HDAC4: variants seen among roughly 807,000 people sequenced by gnomAD.
HDAC4 encodes the protein histone deacetylase 4.
In HDAC4, 16 loss-of-function variants were observed where a neutral mutation model predicts 135.1. That is an observed-to-expected ratio of 0.12 (90% CI 0.08 to 0.18). The LOEUF is 0.18. HDAC4 is among the 10% of genes least tolerant of loss of function. The pLI is 1.00. For synonymous variants in HDAC4, 685 were observed against 653.4 expected, an observed-to-expected ratio of 1.05 and a Z score of -0.74; for missense variants, 1,143 against 1,511.8, an observed-to-expected ratio of 0.76 and a Z score of 4.05.
chr2:239,113,442 C>T (rs138498494), intron 13 of HDAC4, among the ~76,000 whole-genome samples: 156 of 152,280 alleles, frequency 1.0e-3, no homozygotes, highest in African/African-American at 3.5e-3. Flanking sequence ...CAATCCTCCC[C>T]GACGCGGGCT....
intron 16 of HDAC4, 162 bp downstream of exon 16, chr2:239,102,614 T>C (rs2037766022): frequency 2.7e-6 from 2 of 733,662 alleles, no homozygotes; most frequent in South Asian, 1.8e-5. Context: ...CAACAACCAG[T>C]GGCTTGTGAA....
intron 2 of HDAC4, among the ~76,000 whole-genome samples, chr2:239,244,217 C>T (rs2048346693): frequency 6.6e-6 from 1 of 152,220 alleles, no homozygotes; most frequent in African/African-American, 2.4e-5. Context: ...ACAAAAGAAA[C>T]CACTTGGTTC....
At chr2:239,318,146 T>C (rs1021205142) in intron 2 of HDAC4, among the ~76,000 whole-genome samples, 1 of 152,062 alleles carries the variant, frequency 6.6e-6, no homozygotes, top group Non-Finnish European at 1.5e-5. Context: ...GTCTGCACAG[T>C]CCCAGATTAT....
Position 239,163,908 on chromosome 2 carries a change from G to T in HDAC4, c.506C>A (p.Thr169Lys). The change falls in exon 6 of 27, where the codon ACA (threonine) becomes AAA (lysine). Residue 169 changes from threonine (T) to lysine (K), a missense_variant. By Grantham distance (78) the Thr-to-Lys change is moderately conservative. Transcript: ENST00000543185. ...TTCTTGTAACTTCATCTTCACTTCT[G>T]TGCTGGCCACGGCACCTGGCGTGGG... ...EKGKESAVASTEVKMKLQEFV... is the reference protein window; with the variant it reads ...EKGKESAVASKEVKMKLQEFV... 1 of 1,614,104 alleles carries T rather than the reference G, an allele frequency of 6.2e-7. No individual in the cohort carries two copies. The highest frequency in any genetic ancestry group is 8.5e-7 in the Non-Finnish European group (1 of 1,180,024).
At chr2:239,083,944 C>T (rs1228700186) in intron 20 of HDAC4, among the ~76,000 whole-genome samples, 6 of 152,248 alleles carry the variant, frequency 3.9e-5, no homozygotes, top group Non-Finnish European at 8.8e-5. Context: ...TTTAGACACG[C>T]CAGGACCCCA....
At chr2:239,067,958 C>T (rs1212408993) in intron 23 of HDAC4, among the ~76,000 whole-genome samples, 4 of 152,202 alleles carry the variant, frequency 2.6e-5, no homozygotes, top group Admixed American at 1.3e-4. Flanking sequence ...AGGTTTTCAT[C>T]TCCTTGTGAG....
At chr2:239,113,929 C>T (rs543615353) in intron 13 of HDAC4, among the ~76,000 whole-genome samples, 4 of 152,238 alleles carry the variant, frequency 2.6e-5, no homozygotes, top group South Asian at 2.1e-4. Flanking sequence ...GACAGGCCCC[C>T]CTCTGAACAA....
At chr2:239,164,394 C>A (rs973003833) in intron 5 of HDAC4, among the ~76,000 whole-genome samples, 1 of 152,240 alleles carries the variant, frequency 6.6e-6, no homozygotes, top group African/African-American at 2.4e-5. Context: ...TGACGGCCGG[C>A]TCTGCTTCCA....
intron 3 of HDAC4, among the ~76,000 whole-genome samples, chr2:239,218,365 G>A (rs964966275): frequency 6.6e-6 from 1 of 151,292 alleles, no homozygotes; most frequent in African/African-American, 2.4e-5. Context: ...CAAGCAATGG[G>A]GAAAGGATTC....
At chr2:239,366,687 T>C (rs1042947603) in intron 1 of HDAC4, among the ~76,000 whole-genome samples, 1 of 152,166 alleles carries the variant, frequency 6.6e-6, no homozygotes, top group African/African-American at 2.4e-5. Context: ...GGATTTGACT[T>C]ACGGTGTGAA....
Position 239,050,747 on chromosome 2 carries a change from A to G in HDAC4, c.*2350T>C, listed in dbSNP as rs917717819. 7 of 152,628 alleles carry G rather than the reference A, an allele frequency of 4.6e-5. No individual in the cohort carries two copies. Among genetic ancestry groups the G allele is most frequent in the African/African-American group, 7.2e-5 (3 of 41,456 alleles). The allele number at this position is 152,628 out of a possible 1,614,324, so 9.5% of individuals were successfully genotyped here. A position where few individuals can be genotyped will look rare whatever the true frequency, so the allele number is the denominator to read the frequency against. ...ACTTCTGCCCCCAAGTCTGAACCCAATATACACTTTGGAATGAAACTGGTG... is the reference window on the plus strand; with the variant it reads ...ACTTCTGCCCCCAAGTCTGAACCCAGTATACACTTTGGAATGAAACTGGTG... On this transcript the variant is annotated 3_prime_UTR_variant, in exon 27 of 27. Transcript: ENST00000543185.
At chr2:239,326,761 T>C (rs2053480514) in intron 2 of HDAC4, among the ~76,000 whole-genome samples, 1 of 152,240 alleles carries the variant, frequency 6.6e-6, no homozygotes, top group South Asian at 2.1e-4. Flanking sequence ...TATGATTTGC[T>C]AGATACTTCT....
intron 4 of HDAC4, among the ~76,000 whole-genome samples, chr2:239,179,655 G>C (rs2044012313): frequency 1.3e-5 from 2 of 152,230 alleles, no homozygotes; most frequent in Non-Finnish European, 2.9e-5. Context: ...TCACTTCAGA[G>C]CAAGAGGTGA....
At chr2:239,322,024 A>C (rs1268498799) in intron 2 of HDAC4, among the ~76,000 whole-genome samples, 2 of 152,274 alleles carry the variant, frequency 1.3e-5, no homozygotes, top group African/African-American at 4.8e-5. Flanking sequence ...GCTCCAGAGC[A>C]AGCTGCTCAA....
intron 2 of HDAC4, chr2:239,298,052 A>C: frequency 2.0e-6 from 1 of 493,886 alleles, no homozygotes; most frequent in Non-Finnish European, 3.7e-6. Context: ...CACAATATTG[A>C]AGAGATACCT....
At chr2:239,177,477 G>A (rs567353952) in intron 4 of HDAC4, among the ~76,000 whole-genome samples, 3 of 152,348 alleles carry the variant, frequency 2.0e-5, no homozygotes, top group Non-Finnish European at 2.9e-5. Flanking sequence ...CTGCCTCTGC[G>A]GGGGTGAGGT....
chr2:239,318,264 C>A (rs188056441), intron 2 of HDAC4, among the ~76,000 whole-genome samples: 1 of 152,224 alleles, frequency 6.6e-6, no homozygotes, highest in Non-Finnish European at 1.5e-5. Flanking sequence ...TCAGCAGCAA[C>A]GAAATACTGC....
chr2:239,209,174 T>C (rs1332161754), intron 3 of HDAC4, among the ~76,000 whole-genome samples: 1 of 152,236 alleles, frequency 6.6e-6, no homozygotes, highest in Non-Finnish European at 1.5e-5. Context: ...ATCAGGCCAC[T>C]GTGCCTGGCC....
intron 2 of HDAC4, among the ~76,000 whole-genome samples, chr2:239,246,278 GA>G (rs1375604755): frequency 3.9e-5 from 6 of 152,226 alleles, no homozygotes; most frequent in Non-Finnish European, 2.9e-5. Flanking sequence ...TTTTCCCAGG[GA>G]AAATGTGGCA....
Sources: gnomAD v4.1 joint callset for allele counts (sites outside exome capture counted in the v4.1 genomes callset) on GRCh38, gnomAD v4.1.1 for gene constraint, MANE v1.5 for transcripts, NCBI Gene and HGNC (gene_info 2026-07-23, HGNC 2026-07-21) for gene names.